ERBB4: variants seen among roughly 807,000 people sequenced by gnomAD.
ERBB4 encodes the protein receptor tyrosine-protein kinase erbB-4.
A neutral mutation model predicts 158.0 loss-of-function variants in ERBB4; 42 were observed. That is an observed-to-expected ratio of 0.27 (90% CI 0.21 to 0.34). The LOEUF (loss-of-function observed/expected upper bound fraction) is 0.34, where lower values mean the gene tolerates loss of function less well. ERBB4 is among the 10% of genes least tolerant of loss of function. The pLI is 1.00. For synonymous variants in ERBB4, 583 were observed against 558.7 expected (o/e 1.04, Z -0.61); for missense variants, 1,333 against 1,624.1 (o/e 0.82, Z 3.08).
chr2:211,964,735 T>C (rs1270908070), intron 2 of ERBB4, among the ~76,000 whole-genome samples: 1 of 152,158 alleles, frequency 6.6e-6, no homozygotes, highest in Non-Finnish European at 1.5e-5. Flanking sequence ...AAAGTGTTAG[T>C]GTACAAAAAG....
At chr2:211,594,031 C>A (rs183971120) in intron 19 of ERBB4, among the ~76,000 whole-genome samples, 2 of 152,282 alleles carry the variant, frequency 1.3e-5, no homozygotes, top group East Asian at 3.9e-4. Context: ...ACTGCCCAGC[C>A]ACAGCTGTTA....
At chr2:212,177,324 A>G (rs2081701745) in intron 1 of ERBB4, among the ~76,000 whole-genome samples, 1 of 151,882 alleles carries the variant, frequency 6.6e-6, no homozygotes, top group Non-Finnish European at 1.5e-5. Flanking sequence ...TGCCTATTAC[A>G]CTGTAAACCC....
chr2:211,764,811 T>G (rs903272647), intron 4 of ERBB4, among the ~76,000 whole-genome samples: 5 of 152,108 alleles, frequency 3.3e-5, no homozygotes, highest in Non-Finnish European at 4.4e-5. Flanking sequence ...CACAACAAGG[T>G]CTGATTTCTA....
At chr2:212,488,009 A>G (rs1690068831) in intron 1 of ERBB4, among the ~76,000 whole-genome samples, 1 of 152,160 alleles carries the variant, frequency 6.6e-6, no homozygotes, top group African/African-American at 2.4e-5. Flanking sequence ...ATTGGAAAAG[A>G]AACCTGCATT....
chr2:211,970,624 T>C (rs922871361), intron 2 of ERBB4, among the ~76,000 whole-genome samples: 7 of 152,206 alleles, frequency 4.6e-5, no homozygotes, highest in Non-Finnish European at 1.0e-4. Flanking sequence ...TTTACCACTA[T>C]GTAATGACCT....
chr2:212,189,625 G>A (rs940775953), intron 1 of ERBB4, among the ~76,000 whole-genome samples: 4 of 151,982 alleles, frequency 2.6e-5, no homozygotes, highest in Non-Finnish European at 5.9e-5. Flanking sequence ...TGCCAATAAG[G>A]GCCTAGTGCA....
At chr2:212,080,985 CG>C (rs879931733) in intron 2 of ERBB4, among the ~76,000 whole-genome samples, 2 of 152,106 alleles carry the variant, frequency 1.3e-5, no homozygotes, top group East Asian at 3.9e-4. Flanking sequence ...ATAGAGAGCA[CG>C]CTGTCAACCT....
intron 1 of ERBB4, among the ~76,000 whole-genome samples, chr2:212,319,727 A>T (rs904989261): frequency 1.3e-5 from 2 of 150,400 alleles, no homozygotes; most frequent in African/African-American, 2.4e-5. Flanking sequence ...AGCTCAAGTC[A>T]TATGCCTCCT....
Position 211,375,805 on chromosome 2 carries a change from T to C in ERBB4, c.*7810A>G, listed in dbSNP as rs1236864892. 8.6e-6 allele frequency: 2 copies of C among 232,244 alleles called. No homozygotes were observed. Among genetic ancestry groups the C allele is most frequent in the African/African-American group, 4.4e-5 (2 of 45,234 alleles). The allele number at this position is 232,244 out of a possible 1,614,324, so 14.4% of individuals were successfully genotyped here. A position where few individuals can be genotyped will look rare whatever the true frequency, so the allele number is the denominator to read the frequency against. On this transcript the variant is annotated 3_prime_UTR_variant, in exon 28 of 28. Coordinates refer to ENST00000342788, the MANE Select transcript of ERBB4 (RefSeq NM_005235.3). ...TTCATGTAACAAAAAGGCAGAACAG[T>C]TTTCAAATTGTTCAGCTGGGATGAT...
intron 3 of ERBB4, among the ~76,000 whole-genome samples, chr2:211,812,214 G>A (rs2076773439): frequency 6.6e-6 from 1 of 152,182 alleles, no homozygotes; most frequent in South Asian, 2.1e-4. Flanking sequence ...GGGTTTTGGT[G>A]TGGGTGTCCT....
intron 16 of ERBB4, among the ~76,000 whole-genome samples, chr2:211,633,387 T>C (rs1377430155): frequency 1.3e-5 from 2 of 151,816 alleles, no homozygotes; most frequent in African/African-American, 2.4e-5. Context: ...CTCAGATGCA[T>C]AGATCTGGAA....
At chr2:212,400,288 G>C (rs987719904) in intron 1 of ERBB4, among the ~76,000 whole-genome samples, 2 of 152,250 alleles carry the variant, frequency 1.3e-5, no homozygotes, top group Admixed American at 6.5e-5. Context: ...AGAGGCTACT[G>C]CAGTTATGCT....
chr2:211,645,420 TTA>T (rs143386658), intron 16 of ERBB4, among the ~76,000 whole-genome samples: 1 of 151,314 alleles, frequency 6.6e-6, no homozygotes, highest in Non-Finnish European at 1.5e-5. Context: ...TGTGAATTGT[TTA>T]TATATATATA....
At chr2:212,303,996 A>G (rs571005643) in intron 1 of ERBB4, among the ~76,000 whole-genome samples, 24 of 151,744 alleles carry the variant, frequency 1.6e-4, no homozygotes, top group Admixed American at 4.6e-4. Flanking sequence ...AGTAGAAAAT[A>G]TACTATCTTC....
intron 3 of ERBB4, among the ~76,000 whole-genome samples, chr2:211,909,080 A>C (rs562361526): frequency 6.6e-6 from 1 of 151,742 alleles, no homozygotes; most frequent in Non-Finnish European, 1.5e-5. Context: ...CAAGTAAGCT[A>C]CATACCCTGA....
chr2:211,647,089 T>G (rs2070803535), intron 16 of ERBB4, among the ~76,000 whole-genome samples: 1 of 151,702 alleles, frequency 6.6e-6, no homozygotes. Flanking sequence ...TATACATTTA[T>G]CTGTATCTTT....
chr2:211,650,734 T>C (rs984824221), intron 16 of ERBB4, among the ~76,000 whole-genome samples: 1 of 152,200 alleles, frequency 6.6e-6, no homozygotes, highest in Non-Finnish European at 1.5e-5. Flanking sequence ...GAAAGTATTC[T>C]AGCAGACATA....
At chr2:212,251,419 T>G (rs372876840) in intron 1 of ERBB4, among the ~76,000 whole-genome samples, 1 of 152,008 alleles carries the variant, frequency 6.6e-6, no homozygotes, top group South Asian at 2.1e-4. Flanking sequence ...TGTCCTCAAG[T>G]ACCTCATATC....
intron 3 of ERBB4, among the ~76,000 whole-genome samples, chr2:211,801,378 AT>A (rs2076494685): frequency 6.6e-6 from 1 of 152,126 alleles, no homozygotes; most frequent in African/African-American, 2.4e-5. Context: ...TGAAATATAT[AT>A]TTTTTAAATC....
Sources: gnomAD v4.1 joint callset for allele counts (sites outside exome capture counted in the v4.1 genomes callset) on GRCh38, gnomAD v4.1.1 for gene constraint, MANE v1.5 for transcripts, NCBI Gene and HGNC (gene_info 2026-07-23, HGNC 2026-07-21) for gene names.